The following MEGF9 variants were observed in gnomAD, a reference collection of about 807,000 sequenced individuals.
MEGF9 encodes multiple epidermal growth factor-like domains protein 9.
In MEGF9, 6 loss-of-function variants were observed where a neutral mutation model predicts 46.8. That is an observed-to-expected ratio of 0.13 (90% CI 0.07 to 0.25). MEGF9 has a LOEUF of 0.25. MEGF9 is among the 10% of genes least tolerant of loss of function. MEGF9 has a pLI of 1.00. For synonymous variants in MEGF9, 302 were observed against 330.7 expected, an observed-to-expected ratio of 0.91 and a Z score of 0.94; for missense variants, 683 against 792.4, an observed-to-expected ratio of 0.86 and a Z score of 1.66.
Position 120,622,434 on chromosome 9 carries a change from T to TTTTTTTTA in MEGF9, c.943+181_943+182insTAAAAAAA, listed in dbSNP as rs1554794918. 1.1e-3 allele frequency among the ~76,000 whole-genome samples: 162 copies of TTTTTTTTA among 148,160 alleles called. 4 individuals carry two copies. The East Asian group carries it at 0.014, about 13-fold the overall frequency. On this transcript the variant is annotated intron_variant, in intron 3 of 5. Coordinates refer to ENST00000373930, the MANE Select transcript of MEGF9 (RefSeq NM_001080497.3). ...GTATATGACTTTTTTTTTTTTTTTTTAATTTACGTACTTTTTCAAGTTTGT... is the reference window on the plus strand; with the variant it reads ...GTATATGACTTTTTTTTTTTTTTTTTTTTTTTTAAATTTACGTACTTTTTCAAGTTTGT...
chr9:120,616,549 G>A (rs572098179), intron 3 of MEGF9, among the ~76,000 whole-genome samples: 1 of 151,838 alleles, frequency 6.6e-6, no homozygotes, highest in African/African-American at 2.4e-5. Flanking sequence ...AATGGTGGTG[G>A]GTGCCTGTAG....
At chr9:120,679,651 G>A (rs1468689660) in intron 1 of MEGF9, among the ~76,000 whole-genome samples, 3 of 151,812 alleles carry the variant, frequency 2.0e-5, no homozygotes, top group Admixed American at 1.3e-4. Flanking sequence ...GAGACAGAGA[G>A]ACTCTGGCCA....
At chr9:120,673,964 C>A (rs7044009) in intron 1 of MEGF9, among the ~76,000 whole-genome samples, 1 of 138,750 alleles carries the variant, frequency 7.2e-6, no homozygotes, top group African/African-American at 2.8e-5. Context: ...AGTGAGACTC[C>A]GTCTCAAAAA....
chr9:120,698,145 GTATAAGT>G (rs1441614876), intron 1 of MEGF9, among the ~76,000 whole-genome samples: 3 of 152,166 alleles, frequency 2.0e-5, no homozygotes, highest in South Asian at 2.1e-4. Context: ...ATGTTAGAAA[GTATAAGT>G]TATAATAGGT....
chr9:120,657,990 C>CTT (rs552269492), intron 2 of MEGF9, among the ~76,000 whole-genome samples: 22 of 146,138 alleles, frequency 1.5e-4, no homozygotes, highest in African/African-American at 4.5e-4. Flanking sequence ...TTCTCTTCTA[C>CTT]TTTTTTTTTT....
intron 1 of MEGF9, among the ~76,000 whole-genome samples, chr9:120,671,311 A>G (rs2043748091): frequency 6.6e-6 from 1 of 152,160 alleles, no homozygotes; most frequent in Non-Finnish European, 1.5e-5. Context: ...CAAGGCCCCA[A>G]ACATATGGGT....
At chr9:120,619,379 C>T (rs976563957) in intron 3 of MEGF9, among the ~76,000 whole-genome samples, 5 of 152,060 alleles carry the variant, frequency 3.3e-5, no homozygotes, top group African/African-American at 4.8e-5. Flanking sequence ...AACATTTTAT[C>T]GAGAACATAG....
chr9:120,706,498 C>A (rs1408731334), intron 1 of MEGF9, among the ~76,000 whole-genome samples: 2 of 152,112 alleles, frequency 1.3e-5, no homozygotes, highest in Non-Finnish European at 2.9e-5. Context: ...ACAATAAGAG[C>A]TATAATTTAA....
chr9:120,646,419 C>G (rs1461835907), intron 2 of MEGF9, among the ~76,000 whole-genome samples: 2 of 152,208 alleles, frequency 1.3e-5, no homozygotes, highest in African/African-American at 4.8e-5. Context: ...GTCCCCACTC[C>G]TCTTCCACTT....
chr9:120,669,902 T>C (rs2043741056), intron 1 of MEGF9, among the ~76,000 whole-genome samples: 2 of 152,070 alleles, frequency 1.3e-5, no homozygotes, highest in Admixed American at 1.3e-4. Flanking sequence ...TTGGGGAAGA[T>C]TAGGAATTAG....
chr9:120,620,900 T>C (rs1171105463), intron 3 of MEGF9, among the ~76,000 whole-genome samples: 1 of 151,076 alleles, frequency 6.6e-6, no homozygotes, highest in African/African-American at 2.5e-5. Flanking sequence ...TACTATAGAG[T>C]ATTTGAATGA....
intron 1 of MEGF9, among the ~76,000 whole-genome samples, chr9:120,688,512 T>C (rs1439400109): frequency 6.6e-6 from 1 of 152,194 alleles, no homozygotes; most frequent in Non-Finnish European, 1.5e-5. Flanking sequence ...GCTAGGGATG[T>C]GGCAGTAAAC....
At chr9:120,633,618 T>C (rs998815009) in intron 2 of MEGF9, among the ~76,000 whole-genome samples, 27 of 152,138 alleles carry the variant, frequency 1.8e-4, no homozygotes, top group African/African-American at 6.5e-4. Context: ...CTTTATTATG[T>C]CTTTCCTTCT....
chr9:120,614,498 T>C (rs2132300268), intron 3 of MEGF9, among the ~76,000 whole-genome samples: 1 of 152,320 alleles, frequency 6.6e-6, no homozygotes, highest in South Asian at 2.1e-4. Flanking sequence ...CATGCTGTGG[T>C]AGACACTTTA....
chr9:120,650,177 A>G (rs958104312), intron 2 of MEGF9, among the ~76,000 whole-genome samples: 2 of 152,206 alleles, frequency 1.3e-5, no homozygotes, highest in African/African-American at 4.8e-5. Context: ...GCTGAGGCAG[A>G]GAATTGCTTG....
At chr9:120,612,588 C>T in intron 3 of MEGF9, 49 bp from the exon 4 acceptor site, 1 of 1,514,950 alleles carries the variant, frequency 6.6e-7, no homozygotes, top group Non-Finnish European at 8.9e-7. Context: ...CCTTGAAAGC[C>T]AAGTAACTTT....
At chr9:120,666,361 T>C (rs2043725006) in intron 1 of MEGF9, among the ~76,000 whole-genome samples, 1 of 152,152 alleles carries the variant, frequency 6.6e-6, no homozygotes, top group Admixed American at 6.5e-5. Context: ...TAGATGGAAA[T>C]AGTTCTATTC....
At chr9:120,708,530 G>A (rs1453317963) in intron 1 of MEGF9, among the ~76,000 whole-genome samples, 3 of 152,166 alleles carry the variant, frequency 2.0e-5, no homozygotes, top group African/African-American at 2.4e-5. Flanking sequence ...AAGGTTCTTT[G>A]GGGGACATAA....
chr9:120,708,305 T>G (rs2043937748), intron 1 of MEGF9, among the ~76,000 whole-genome samples: 1 of 151,294 alleles, frequency 6.6e-6, no homozygotes, highest in South Asian at 2.1e-4. Context: ...GTGGAGGTTG[T>G]AGTGATCCGA....
Sources: allele counts gnomAD v4.1 joint callset (sites outside exome capture counted in the v4.1 genomes callset), GRCh38; gene constraint gnomAD v4.1.1; transcripts MANE v1.5; gene names NCBI Gene and HGNC (gene_info 2026-07-23, HGNC 2026-07-21).